The following ELMO1 variants were observed in gnomAD, a reference collection of about 807,000 sequenced individuals.
ELMO1 encodes the protein engulfment and cell motility 1.
In ELMO1, 26 loss-of-function variants were observed where a neutral mutation model predicts 98.9. That is an observed-to-expected ratio of 0.26 (90% confidence interval 0.19 to 0.36). The LOEUF (loss-of-function observed/expected upper bound fraction) is 0.36, where lower values mean the gene tolerates loss of function less well. ELMO1 is among the 10% of genes least tolerant of loss of function. ELMO1 has a pLI of 1.00. For synonymous variants in ELMO1, 346 were observed against 346.0 expected, an observed-to-expected ratio of 1.00 and a Z score of 0.00; for missense variants, 627 against 935.2, an observed-to-expected ratio of 0.67 and a Z score of 4.30.
At chr7:37,050,321 ACCTTGGCCTCCCCAAGTACTGGGATT>A (rs1178318072) in intron 15 of ELMO1, among the ~76,000 whole-genome samples, 2 of 151,896 alleles carry the variant, frequency 1.3e-5, no homozygotes, top group African/African-American at 4.8e-5. Flanking sequence ...TAATCCGCCC[ACCTTGGCCTCCCCAAGTACTGGGATT>A]CCTTGGCCTC....
chr7:36,906,890 T>C (rs528281483), intron 16 of ELMO1, among the ~76,000 whole-genome samples: 49 of 152,242 alleles, frequency 3.2e-4, no homozygotes, highest in Non-Finnish European at 6.8e-4. Context: ...TGATTTATTA[T>C]GCACACCGTT....
chr7:37,165,740 A>G (rs1363482733), intron 13 of ELMO1, among the ~76,000 whole-genome samples: 3 of 152,142 alleles, frequency 2.0e-5, no homozygotes, highest in Non-Finnish European at 4.4e-5. Context: ...TCGGTTTACC[A>G]GTATTTTATT....
At chr7:37,364,579 C>A (rs1353554349) in intron 1 of ELMO1, among the ~76,000 whole-genome samples, 1 of 100,970 alleles carries the variant, frequency 9.9e-6, no homozygotes. Context: ...TTAATGCTGG[C>A]TTAATTTTTT....
At chr7:37,129,063 C>G (rs984656043) in intron 14 of ELMO1, among the ~76,000 whole-genome samples, 7 of 151,978 alleles carry the variant, frequency 4.6e-5, no homozygotes, top group African/African-American at 1.4e-4. Flanking sequence ...GGCACTCAAG[C>G]AGAAACAAGA....
chr7:37,183,037 A>T (rs1156707610), intron 13 of ELMO1, among the ~76,000 whole-genome samples: 1 of 152,232 alleles, frequency 6.6e-6, no homozygotes, highest in African/African-American at 2.4e-5. Flanking sequence ...GCTAGGTTTG[A>T]AATGCAGAGA....
chr7:36,856,572 G>C (rs1334603025), intron 21 of ELMO1, among the ~76,000 whole-genome samples: 1 of 152,144 alleles, frequency 6.6e-6, no homozygotes, highest in Non-Finnish European at 1.5e-5. Flanking sequence ...GTCTCTCCAG[G>C]AGACTATGAT....
intron 10 of ELMO1, among the ~76,000 whole-genome samples, chr7:37,219,646 C>A (rs1793485646): frequency 6.6e-6 from 1 of 152,174 alleles, no homozygotes; most frequent in Non-Finnish European, 1.5e-5. Flanking sequence ...TGAGTGACAT[C>A]TCTGACAGGC....
chr7:36,900,905 A>G (rs987715123), intron 16 of ELMO1, among the ~76,000 whole-genome samples: 4 of 152,226 alleles, frequency 2.6e-5, no homozygotes, highest in Non-Finnish European at 5.9e-5. Flanking sequence ...CAACAACCAA[A>G]GAATTGGAAA....
chr7:37,252,203 A>C (rs1160413554), intron 6 of ELMO1, among the ~76,000 whole-genome samples: 2 of 152,202 alleles, frequency 1.3e-5, no homozygotes, highest in South Asian at 2.1e-4. Flanking sequence ...GCTACCATTG[A>C]CTTTCTTCAC....
At chr7:37,151,961 A>G (rs1384567739) in intron 13 of ELMO1, among the ~76,000 whole-genome samples, 1 of 152,146 alleles carries the variant, frequency 6.6e-6, no homozygotes, top group East Asian at 1.9e-4. Context: ...TGCCTTTCCC[A>G]GCCCTGAGAA....
intron 16 of ELMO1, among the ~76,000 whole-genome samples, chr7:36,909,677 G>A (rs6979686): frequency 0.048 from 7,372 of 152,300 alleles, 284 homozygotes; most frequent in South Asian, 0.14. Flanking sequence ...ATGTTACAAA[G>A]TATTTTTGGT....
At chr7:36,913,472 GCA>G (rs1784474229) in intron 16 of ELMO1, among the ~76,000 whole-genome samples, 1 of 152,242 alleles carries the variant, frequency 6.6e-6, no homozygotes, top group African/African-American at 2.4e-5. Context: ...GTTGAGTTCT[GCA>G]CACAGAGTTT....
chr7:37,444,129 T>C (rs1438418887), intron 1 of ELMO1, among the ~76,000 whole-genome samples: 1 of 152,140 alleles, frequency 6.6e-6, no homozygotes, highest in Admixed American at 6.5e-5. Context: ...GTTGTCAGCC[T>C]TTGACTTTCT....
chr7:36,889,576 G>A (rs1386630206), intron 17 of ELMO1, among the ~76,000 whole-genome samples: 2 of 152,188 alleles, frequency 1.3e-5, no homozygotes, highest in Non-Finnish European at 2.9e-5. Context: ...ATAGATATAT[G>A]TATTTAAATA....
chr7:36,951,784 TTC>T (rs1454431847), intron 16 of ELMO1, among the ~76,000 whole-genome samples: 1 of 152,234 alleles, frequency 6.6e-6, no homozygotes, highest in Non-Finnish European at 1.5e-5. Context: ...TTGTTTACTC[TTC>T]TGTTTTGCTT....
At chr7:37,373,724 GCAAA>G (rs1382245537) in intron 1 of ELMO1, among the ~76,000 whole-genome samples, 1 of 152,038 alleles carries the variant, frequency 6.6e-6, no homozygotes, top group East Asian at 1.9e-4. Flanking sequence ...TAATGGCTGT[GCAAA>G]CAATTTGCAC....
chr7:37,138,448 T>C (rs1023738101), intron 13 of ELMO1, among the ~76,000 whole-genome samples: 3 of 152,188 alleles, frequency 2.0e-5, no homozygotes, highest in African/African-American at 7.2e-5. Context: ...TGAACACCTT[T>C]ATGCATATAA....
chr7:37,155,686 G>A (rs1788710053), intron 13 of ELMO1, among the ~76,000 whole-genome samples: 1 of 151,984 alleles, frequency 6.6e-6, no homozygotes, highest in Admixed American at 6.6e-5. Flanking sequence ...AGTTCTTAGA[G>A]ACCTACAAAG....
At chr7:37,306,998 T>C (rs978652248) in intron 4 of ELMO1, among the ~76,000 whole-genome samples, 2 of 152,202 alleles carry the variant, frequency 1.3e-5, no homozygotes, top group African/African-American at 4.8e-5. Flanking sequence ...ATGACTGGAA[T>C]TGTTATCAAC....
Sources: allele counts gnomAD v4.1 joint callset (sites outside exome capture counted in the v4.1 genomes callset), GRCh38; gene constraint gnomAD v4.1.1; transcripts MANE v1.5; gene names NCBI Gene and HGNC (gene_info 2026-07-23, HGNC 2026-07-21).